MICU1: variants seen among roughly 807,000 people sequenced by gnomAD.
MICU1 encodes calcium uptake protein 1, mitochondrial.
MICU1 carries 45 observed loss-of-function variants against 56.8 expected under a neutral mutation model. That is an observed-to-expected ratio of 0.79 (90% CI 0.62 to 1.02). The LOEUF (loss-of-function observed/expected upper bound fraction) is 1.02, where lower values mean the gene tolerates loss of function less well. Among genes scored for constraint, MICU1 ranks in the 50% least tolerant of loss-of-function variants. The pLI is 0.00. For synonymous variants in MICU1, 186 were observed against 195.1 expected, an observed-to-expected ratio of 0.95 and a Z score of 0.39; for missense variants, 504 against 587.1, an observed-to-expected ratio of 0.86 and a Z score of 1.46.
chr10:72,566,583 C>T, intron 2 of MICU1, 50 bp downstream of exon 2: 1 of 1,549,946 alleles, frequency 6.5e-7, no homozygotes, highest in Non-Finnish European at 8.7e-7. Flanking sequence ...ACAGAGATGA[C>T]TGGAAGAATA....
chr10:72,477,849 TA>T (rs1866170457), intron 6 of MICU1, among the ~76,000 whole-genome samples: 1 of 152,064 alleles, frequency 6.6e-6, no homozygotes, highest in African/African-American at 2.4e-5. Context: ...AAGTACACTG[TA>T]AGGTACTCAG....
chr10:72,549,930 CAAAAAA>C (rs60734797), intron 4 of MICU1, among the ~76,000 whole-genome samples: 1 of 111,368 alleles, frequency 9.0e-6, no homozygotes, highest in Non-Finnish European at 1.8e-5. Context: ...AACTCCATCT[CAAAAAA>C]AAAAAAAAAG....
At chr10:72,376,148 C>T (rs914198551) in intron 10 of MICU1, among the ~76,000 whole-genome samples, 10 of 151,742 alleles carry the variant, frequency 6.6e-5, no homozygotes, top group African/African-American at 9.7e-5. Flanking sequence ...AAAAATTAGC[C>T]GGTGCCTGTA....
chr10:72,625,495 G>C (rs1842205797), intron 1 of MICU1, among the ~76,000 whole-genome samples: 1 of 152,182 alleles, frequency 6.6e-6, no homozygotes, highest in South Asian at 2.1e-4. Flanking sequence ...GAAGGCGCTG[G>C]AAAAGATAAA....
At chr10:72,488,333 A>T (rs1866542440) in intron 6 of MICU1, among the ~76,000 whole-genome samples, 2 of 152,122 alleles carry the variant, frequency 1.3e-5, no homozygotes, top group Admixed American at 6.5e-5. Context: ...TTGAAAAAGT[A>T]CTTCTGTAAT....
intron 8 of MICU1, among the ~76,000 whole-genome samples, chr10:72,449,172 C>A (rs976033266): frequency 2.6e-5 from 4 of 152,100 alleles, no homozygotes; most frequent in Admixed American, 2.0e-4. Flanking sequence ...CTGAGGCGGG[C>A]AGATCACATG....
rs1451932148 is a variant in MICU1, at chr10:72,563,058, T to C, written c.167A>G (p.His56Arg). Residue 56 changes from histidine to arginine, a missense_variant, in exon 3 of 12, where the codon CAT (histidine) becomes CGT (arginine). His to Arg is a conservative substitution (Grantham distance 29). Coordinates refer to ENST00000361114, the MANE Select transcript of MICU1 (RefSeq NM_001195518.2). ...ASTGLLWKRA[H>R]AESPPCVDNL... ...GTCTACACATGGTGGAGATTCTGCA[T>C]GGGCCCTGGATATGCAAAAAAGAAA... 19 of 1,568,782 alleles carry C rather than the reference T, an allele frequency of 1.2e-5. No individual in the cohort carries two copies. Among genetic ancestry groups the C allele is most frequent in the Non-Finnish European group, 1.6e-5 (19 of 1,161,262 alleles).
intron 10 of MICU1, among the ~76,000 whole-genome samples, chr10:72,396,639 C>T (rs900368657): frequency 1.3e-5 from 2 of 152,150 alleles, no homozygotes; most frequent in Non-Finnish European, 2.9e-5. Flanking sequence ...ATGACGCATG[C>T]ACAAGCTTCA....
chr10:72,378,351 G>T (rs1370594334), intron 10 of MICU1, among the ~76,000 whole-genome samples: 2 of 152,130 alleles, frequency 1.3e-5, no homozygotes, highest in Non-Finnish European at 2.9e-5. Context: ...ACTGGATCAT[G>T]GGGGCAGATT....
At chr10:72,560,781 A>G (rs1461273428) in intron 3 of MICU1, among the ~76,000 whole-genome samples, 1 of 152,204 alleles carries the variant, frequency 6.6e-6, no homozygotes, top group African/African-American at 2.4e-5. Flanking sequence ...GAGGCATGAG[A>G]ATCGTTTGAA....
chr10:72,373,180 A>ATT (rs751527368), intron 11 of MICU1, among the ~76,000 whole-genome samples: 30 of 133,264 alleles, frequency 2.3e-4, no homozygotes, highest in African/African-American at 5.8e-4. Context: ...TTGTTTGTTC[A>ATT]TTTTTTTTTT....
chr10:72,549,930 C>CAA (rs60734797), intron 4 of MICU1, among the ~76,000 whole-genome samples: 5 of 111,362 alleles, frequency 4.5e-5, no homozygotes, highest in African/African-American at 7.6e-5. Flanking sequence ...AACTCCATCT[C>CAA]AAAAAAAAAA....
chr10:72,556,382 C>T (rs1840159810), intron 3 of MICU1, among the ~76,000 whole-genome samples: 1 of 151,908 alleles, frequency 6.6e-6, no homozygotes, highest in African/African-American at 2.4e-5. Flanking sequence ...CTCTTGTTGC[C>T]CAGGCTGCAG....
At chr10:72,373,339 T>G (rs913318419) in intron 11 of MICU1, among the ~76,000 whole-genome samples, 2 of 151,992 alleles carry the variant, frequency 1.3e-5, no homozygotes, top group African/African-American at 4.8e-5. Flanking sequence ...CTACCACACC[T>G]TGGCTAAACT....
At chr10:72,445,632 AT>A (rs1396250300) in intron 8 of MICU1, among the ~76,000 whole-genome samples, 7 of 152,154 alleles carry the variant, frequency 4.6e-5, no homozygotes, top group African/African-American at 1.7e-4. Context: ...TTGCATCCAT[AT>A]CAAGGCTGTT....
intron 1 of MICU1, among the ~76,000 whole-genome samples, chr10:72,600,506 G>T (rs920966741): frequency 6.6e-6 from 1 of 151,500 alleles, no homozygotes; most frequent in Non-Finnish European, 1.5e-5. Flanking sequence ...AAAATTAGCT[G>T]GGCACGGTGA....
chr10:72,566,838 T>G, intron 1 of MICU1, 44 bp from the exon 2 acceptor site: 4 of 1,504,186 alleles, frequency 2.7e-6, no homozygotes, highest in Non-Finnish European at 3.6e-6. Flanking sequence ...TAGTGGTAGT[T>G]ATGATGATGA....
intron 6 of MICU1, among the ~76,000 whole-genome samples, chr10:72,492,812 T>TAAAAC (rs1428751626): frequency 1.4e-5 from 2 of 148,074 alleles, no homozygotes; most frequent in African/African-American, 5.0e-5. Context: ...TAAAATAAAA[T>TAAAAC]AAAATAAAAT....
At chr10:72,468,216 T>C (rs1865850876) in intron 8 of MICU1, among the ~76,000 whole-genome samples, 1 of 152,172 alleles carries the variant, frequency 6.6e-6, no homozygotes, top group African/African-American at 2.4e-5. Context: ...ACTGGAATTC[T>C]ATTAGATAAT....
Sources: gnomAD v4.1 joint callset for allele counts (sites outside exome capture counted in the v4.1 genomes callset) on GRCh38, gnomAD v4.1.1 for gene constraint, MANE v1.5 for transcripts, NCBI Gene and HGNC (gene_info 2026-07-23, HGNC 2026-07-21) for gene names.